ZBTB20: variants seen among roughly 807,000 people sequenced by gnomAD.
ZBTB20 encodes zinc finger and BTB domain containing 20, also known as zinc finger and BTB domain-containing protein 20.
A neutral mutation model predicts 56.9 loss-of-function variants in ZBTB20; 9 were observed. That is an observed-to-expected ratio of 0.16 (90% CI 0.10 to 0.28). The LOEUF (loss-of-function observed/expected upper bound fraction) is 0.28. Ranked by LOEUF, ZBTB20 falls within the 10% of genes least tolerant of loss-of-function variation. The pLI is 1.00. For synonymous variants in ZBTB20, 417 were observed against 420.7 expected (o/e 0.99, Z 0.11); for missense variants, 655 against 1,003.0 (o/e 0.65, Z 4.69).
intron 5 of ZBTB20, among the ~76,000 whole-genome samples, chr3:114,729,214 C>T (rs554836827): frequency 2.0e-5 from 3 of 152,292 alleles, no homozygotes; most frequent in African/African-American, 7.2e-5. Flanking sequence ...AACTAAAAGA[C>T]TATCCAACAT....
chr3:114,896,116 C>T (rs1289637561), intron 4 of ZBTB20, among the ~76,000 whole-genome samples: 1 of 152,116 alleles, frequency 6.6e-6, no homozygotes, highest in African/African-American at 2.4e-5. Flanking sequence ...TCAACTTATT[C>T]TCCTTATGAG....
At chr3:114,742,052 A>C (rs2066639010) in intron 5 of ZBTB20, among the ~76,000 whole-genome samples, 1 of 152,130 alleles carries the variant, frequency 6.6e-6, no homozygotes, top group African/African-American at 2.4e-5. Context: ...TGGCAGAAAA[A>C]AATAGCAATC....
At chr3:114,786,210 G>A (rs147969548) in intron 5 of ZBTB20, among the ~76,000 whole-genome samples, 2 of 151,938 alleles carry the variant, frequency 1.3e-5, no homozygotes, top group East Asian at 1.9e-4. Flanking sequence ...TGTTACATAG[G>A]TATACACGTG....
At chr3:114,783,253 C>A (rs1184694479) in intron 5 of ZBTB20, among the ~76,000 whole-genome samples, 2 of 152,140 alleles carry the variant, frequency 1.3e-5, no homozygotes, top group African/African-American at 2.4e-5. Context: ...ATAAATATGG[C>A]AGAACTATAT....
intron 7 of ZBTB20, among the ~76,000 whole-genome samples, chr3:114,431,424 A>T (rs1242716509): frequency 2.0e-5 from 3 of 152,328 alleles, no homozygotes; most frequent in Middle Eastern, 6.8e-3. Context: ...TCAAGAAATA[A>T]TGTAATTTTC....
chr3:114,373,194 G>A (rs182160374), intron 10 of ZBTB20, among the ~76,000 whole-genome samples: 82 of 152,336 alleles, frequency 5.4e-4, no homozygotes, highest in African/African-American at 1.9e-3. Context: ...GATTACAGGC[G>A]TGAGCCACTG....
chr3:115,065,274 G>A (rs947141425), intron 2 of ZBTB20, among the ~76,000 whole-genome samples: 2 of 152,006 alleles, frequency 1.3e-5, no homozygotes, highest in African/African-American at 4.8e-5. Context: ...AGTATCTTCT[G>A]CTATCTCTCT....
rs182250095 is a variant in ZBTB20 at position 114,898,177 on chromosome 3, G to A, written c.-417+2127C>T. Among the ~76,000 whole-genome samples, 1,336 of 152,244 alleles carry A rather than the reference G, an allele frequency of 8.8e-3. 22 individuals carry two copies. Among genetic ancestry groups the A allele is most frequent in the South Asian group, 0.021 (100 of 4,832 alleles). The stretch of plus-strand genomic sequence containing the variant: ...TATTTTTGTGTTTTAGTGAGATAGA[G>A]ATAGGGAGGGAGAAGCATAAGCCAG... On this transcript the variant is annotated intron_variant, in intron 4 of 11. Coordinates refer to ENST00000675478, the MANE Select transcript of ZBTB20 (RefSeq NM_001348800.3).
At chr3:114,398,351 T>C (rs143315784) in intron 7 of ZBTB20, among the ~76,000 whole-genome samples, 57 of 152,250 alleles carry the variant, frequency 3.7e-4, no homozygotes, top group African/African-American at 1.3e-3. Context: ...CATCGGTTAA[T>C]ATAAACAGAA....
chr3:114,986,494 CCTTT>C (rs2078549583), intron 2 of ZBTB20, among the ~76,000 whole-genome samples: 1 of 151,914 alleles, frequency 6.6e-6, no homozygotes, highest in Non-Finnish European at 1.5e-5. Context: ...GCTCATGATT[CCTTT>C]GTCTTCAAGA....
intron 5 of ZBTB20, among the ~76,000 whole-genome samples, chr3:114,733,264 AT>A (rs1392451650): frequency 6.6e-6 from 1 of 152,160 alleles, no homozygotes; most frequent in East Asian, 1.9e-4. Flanking sequence ...AGGAGTCTCA[AT>A]AAGGCTTGAC....
intron 7 of ZBTB20, among the ~76,000 whole-genome samples, chr3:114,415,993 A>G (rs1225032357): frequency 6.6e-6 from 1 of 152,082 alleles, no homozygotes; most frequent in Non-Finnish European, 1.5e-5. Flanking sequence ...TATGAAAATT[A>G]CAGATATTTT....
intron 2 of ZBTB20, among the ~76,000 whole-genome samples, chr3:115,052,820 T>C (rs765027094): frequency 6.6e-6 from 1 of 152,206 alleles, no homozygotes; most frequent in Non-Finnish European, 1.5e-5. Flanking sequence ...TTTCAGAAGA[T>C]AAAATTATTC....
chr3:114,657,247 C>T (rs2060464104), intron 6 of ZBTB20, among the ~76,000 whole-genome samples: 1 of 152,190 alleles, frequency 6.6e-6, no homozygotes, highest in Non-Finnish European at 1.5e-5. Context: ...TTGACAGAAA[C>T]TTTCAATGCT....
chr3:114,448,693 G>A (rs11921354), intron 7 of ZBTB20, among the ~76,000 whole-genome samples: 2,751 of 152,100 alleles, frequency 0.018, 95 homozygotes, highest in African/African-American at 0.063. Flanking sequence ...CGTTCATATA[G>A]CTGCATAAAA....
intron 5 of ZBTB20, among the ~76,000 whole-genome samples, chr3:114,697,481 C>T (rs1413226932): frequency 6.6e-6 from 1 of 151,752 alleles, no homozygotes; most frequent in Admixed American, 6.6e-5. Context: ...AACTAACTCC[C>T]TTTTAAACAG....
At chr3:114,404,004 G>A (rs967153707) in intron 7 of ZBTB20, among the ~76,000 whole-genome samples, 2 of 152,112 alleles carry the variant, frequency 1.3e-5, no homozygotes, top group African/African-American at 2.4e-5. Flanking sequence ...AAAGTAAGAA[G>A]AGATGAAAGA....
chr3:114,436,472 T>C (rs1455039923), intron 7 of ZBTB20, among the ~76,000 whole-genome samples: 2 of 152,138 alleles, frequency 1.3e-5, no homozygotes, highest in Non-Finnish European at 1.5e-5. Flanking sequence ...ATTATTCAAA[T>C]TTGCAAAATG....
Position 114,380,294 on chromosome 3 carries a change from ACAGCTT to A in ZBTB20, c.116_121del (p.Glu39_Ala40del). The stretch of plus-strand genomic sequence containing the variant: ...GATGAGGGCTGGGTCTGGAGACAAA[ACAGCTT>A]CAAAGTTCAGGCAGGGAAGGCCCGG... On this transcript the variant is annotated inframe_deletion, in exon 10 of 12. Transcript: ENST00000675478. 1 of 1,537,098 alleles carries A rather than the reference ACAGCTT, an allele frequency of 6.5e-7. No homozygotes were observed.
Sources: gnomAD v4.1 joint callset for allele counts (sites outside exome capture counted in the v4.1 genomes callset) on GRCh38, gnomAD v4.1.1 for gene constraint, MANE v1.5 for transcripts, NCBI Gene and HGNC (gene_info 2026-07-23, HGNC 2026-07-21) for gene names.